Variants in ITPR2 observed in about 807,000 individuals in gnomAD.
ITPR2 encodes inositol 1,4,5-trisphosphate-gated calcium channel ITPR2.
Under a neutral mutation model 317.1 loss-of-function variants are expected in ITPR2, and 207 were observed. The ratio of observed to expected loss-of-function variants is 0.65; its 90% CI spans 0.58 to 0.73. The LOEUF is 0.73. Among genes scored for constraint, ITPR2 ranks in the 30% least tolerant of loss-of-function variants. The pLI, the probability that ITPR2 is intolerant of heterozygous loss-of-function variation, is 0.00. For missense variants in ITPR2, 2,613 were observed against 3,284.0 expected (o/e 0.80, Z 4.99); for synonymous variants, 1,156 against 1,149.1 (o/e 1.01, Z -0.12).
chr12:26,560,544 A>G, intron 35 of ITPR2, among the ~76,000 whole-genome samples: 1 of 152,008 alleles, frequency 6.6e-6, no homozygotes, highest in Non-Finnish European at 1.5e-5. Flanking sequence ...CCCTGTCTCT[A>G]CTTCCACCTA....
At chr12:26,742,188 CA>C (rs1171564450) in intron 2 of ITPR2, among the ~76,000 whole-genome samples, 1 of 152,062 alleles carries the variant, frequency 6.6e-6, no homozygotes, top group Non-Finnish European at 1.5e-5. Flanking sequence ...AAAAGACACA[CA>C]AAGCATGTCA....
chr12:26,558,111 AAAAGAGACT>A (rs573259331), intron 35 of ITPR2, among the ~76,000 whole-genome samples: 134 of 152,356 alleles, frequency 8.8e-4, no homozygotes, highest in African/African-American at 3.0e-3. Context: ...GAAAACAATT[AAAAGAGACT>A]AATGGGAACT....
intron 54 of ITPR2, among the ~76,000 whole-genome samples, chr12:26,396,215 G>A (rs1347685155): frequency 6.6e-6 from 1 of 152,126 alleles, no homozygotes; most frequent in Non-Finnish European, 1.5e-5. Context: ...AATACAGGGT[G>A]TGGGTTATTT....
rs151333872 is a variant in ITPR2, at chr12:26,553,525, G to A, written c.4964+2708C>T. Reference sequence around the variant, plus strand: ...CTGGCAGCCAGGCATGGTAGCTCACGCCTGTAATCCCAGCACTTTGGGAGG... The same window carrying A: ...CTGGCAGCCAGGCATGGTAGCTCACACCTGTAATCCCAGCACTTTGGGAGG... On this transcript the variant is annotated intron_variant, in intron 36 of 56. Transcript: ENST00000381340. 2.5e-3 allele frequency among the ~76,000 whole-genome samples: 383 copies of A among 150,976 alleles called. 1 individual carries two copies. The highest frequency in any genetic ancestry group is 8.1e-3 in the African/African-American group (333 of 41,134).
chr12:26,461,629 TA>T (rs1327610687), intron 45 of ITPR2, among the ~76,000 whole-genome samples: 5 of 2,954 alleles, frequency 1.7e-3, no homozygotes, highest in African/African-American at 4.1e-3. Flanking sequence ...AGCATATAAA[TA>T]TATATATATA....
At chr12:26,708,059 C>T (rs1261468960) in intron 9 of ITPR2, among the ~76,000 whole-genome samples, 1 of 152,082 alleles carries the variant, frequency 6.6e-6, no homozygotes, top group Non-Finnish European at 1.5e-5. Flanking sequence ...TATCATCTCA[C>T]CCCGTTTAAA....
intron 2 of ITPR2, among the ~76,000 whole-genome samples, chr12:26,759,539 C>T (rs1304370449): frequency 6.6e-6 from 1 of 152,114 alleles, no homozygotes; most frequent in Non-Finnish European, 1.5e-5. Context: ...TTGGCAAATA[C>T]CAAGTAAATC....
At chr12:26,399,150 C>A in intron 53 of ITPR2, 109 bp from the exon 54 acceptor site, 1 of 809,324 alleles carries the variant, frequency 1.2e-6, no homozygotes, top group Non-Finnish European at 1.7e-6. Flanking sequence ...TAAATAGTAT[C>A]CCAAGTTGGA....
intron 2 of ITPR2, among the ~76,000 whole-genome samples, chr12:26,756,781 G>T (rs1949528965): frequency 6.6e-6 from 1 of 152,172 alleles, no homozygotes; most frequent in Non-Finnish European, 1.5e-5. Flanking sequence ...ATAGAAGGGA[G>T]GGGGGAAATG....
chr12:26,446,732 C>CAAA (rs34601956), intron 45 of ITPR2, among the ~76,000 whole-genome samples: 80,396 of 122,360 alleles, frequency 0.66, 28,088 homozygotes, highest in Non-Finnish European at 0.79. Flanking sequence ...AAAAGGGACT[C>CAAA]AAAAAAAAAA....
intron 26 of ITPR2, among the ~76,000 whole-genome samples, chr12:26,616,218 A>T (rs1392168650): frequency 2.0e-5 from 3 of 151,934 alleles, no homozygotes; most frequent in Non-Finnish European, 4.4e-5. Flanking sequence ...GCTCACTGCA[A>T]GCTCCGCCTC....
At chr12:26,726,829 T>C (rs1023929528) in intron 2 of ITPR2, among the ~76,000 whole-genome samples, 6 of 152,128 alleles carry the variant, frequency 3.9e-5, no homozygotes, top group African/African-American at 1.4e-4. Context: ...ATGGCATAAA[T>C]GATCAAGAAA....
chr12:26,713,784 T>C (rs1948692302), intron 8 of ITPR2, among the ~76,000 whole-genome samples: 1 of 151,662 alleles, frequency 6.6e-6, no homozygotes, highest in South Asian at 2.1e-4. Flanking sequence ...TATATTTTTT[T>C]AATTTTTAAA....
chr12:26,742,232 C>T (rs964338434), intron 2 of ITPR2, among the ~76,000 whole-genome samples: 5 of 151,960 alleles, frequency 3.3e-5, no homozygotes, highest in African/African-American at 9.7e-5. Context: ...ATTGGATAAG[C>T]GATAAATAAA....
chr12:26,614,841 G>A (rs1440741323), intron 26 of ITPR2, among the ~76,000 whole-genome samples: 2 of 152,128 alleles, frequency 1.3e-5, no homozygotes, highest in South Asian at 4.1e-4. Flanking sequence ...AATTTTTAGG[G>A]CAATGAAGCT....
At chr12:26,446,549 T>A (rs1266509676) in intron 45 of ITPR2, among the ~76,000 whole-genome samples, 1 of 152,082 alleles carries the variant, frequency 6.6e-6, no homozygotes, top group African/African-American at 2.4e-5. Flanking sequence ...AAGAAACCAA[T>A]AATGTTATTT....
In ITPR2 at chr12:26,657,850, G is replaced by A. The variant is rs200241530; in HGVS notation, c.2049C>T (p.Ile683=). ...CTTCATCATCAATGTCATCTGAAAG[G>A]ATGGAGCTCTCCATGGGGTTGTCTG... is the stretch of plus-strand genomic sequence containing the variant. The part of the protein sequence containing the change: ...MQADNPMESS[I]LSDDIDDEEV... The change falls in exon 18 of 57, where the codon ATC becomes ATT. Residue 683 remains isoleucine (I), a synonymous_variant. Transcript: ENST00000381340. The A allele has an allele frequency of 8.7e-6, 14 of 1,614,144 alleles. No individual in the cohort carries two copies. The Admixed American group carries it at 1.7e-4, about 19-fold the overall frequency.
intron 32 of ITPR2, among the ~76,000 whole-genome samples, chr12:26,592,482 T>C (rs528002418): frequency 6.6e-6 from 1 of 152,222 alleles, no homozygotes; most frequent in Non-Finnish European, 1.5e-5. Context: ...GATGTGTTCA[T>C]TACACATTAT....
At chr12:26,589,597 G>A (rs1945631722) in intron 32 of ITPR2, among the ~76,000 whole-genome samples, 1 of 150,758 alleles carries the variant, frequency 6.6e-6, no homozygotes, top group Admixed American at 6.6e-5. Context: ...GACCAGGGTG[G>A]CCAACATGGT....
Sources: allele counts gnomAD v4.1 joint callset (sites outside exome capture counted in the v4.1 genomes callset), GRCh38; gene constraint gnomAD v4.1.1; transcripts MANE v1.5; gene names NCBI Gene and HGNC (gene_info 2026-07-23, HGNC 2026-07-21).